SEMA3C: variants seen among roughly 807,000 people sequenced by gnomAD.
SEMA3C encodes semaphorin 3C, also known as semaphorin-3C.
Under a neutral mutation model 89.4 loss-of-function variants are expected in SEMA3C, and 47 were observed. The ratio of observed to expected loss-of-function variants is 0.53; its 90% confidence interval spans 0.42 to 0.67. The LOEUF (loss-of-function observed/expected upper bound fraction) is 0.67. Among genes scored for constraint, SEMA3C ranks in the 30% least tolerant of loss-of-function variants. The pLI is 0.00. For missense variants in SEMA3C, 839 were observed against 929.1 expected, an observed-to-expected ratio of 0.90 and a Z score of 1.26; for synonymous variants, 310 against 320.2, an observed-to-expected ratio of 0.97 and a Z score of 0.34.
intron 2 of SEMA3C, among the ~76,000 whole-genome samples, chr7:80,912,906 T>TA (rs1792185410): frequency 1.3e-5 from 2 of 152,218 alleles, no homozygotes; most frequent in Admixed American, 1.3e-4. Context: ...TTTCAGTTTA[T>TA]TGTCCAATAA....
chr7:80,853,624 T>C (rs1314668017), intron 2 of SEMA3C, among the ~76,000 whole-genome samples: 2 of 151,568 alleles, frequency 1.3e-5, no homozygotes, highest in Non-Finnish European at 2.9e-5. Context: ...GCTGGGAGGG[T>C]AGTGGCAGGA....
rs2116188609 is a variant in SEMA3C, at chr7:80,899,308, T to A, written c.103+17371A>T. Among the ~76,000 whole-genome samples the A allele has an allele frequency of 1.3e-5, 2 of 152,338 alleles. 1 individual carries two copies. On this transcript the variant is annotated intron_variant, in intron 2 of 17. Transcript: ENST00000265361. ...CGCCCATCTTGGCCTCCGAAAGTGC[T>A]GGGATTACAGGTGTGAGCCACTGTG...
chr7:80,751,267 A>T lies in SEMA3C; in HGVS notation c.1711+2T>A. 6.2e-7 allele frequency: 1 copy of T among 1,613,346 alleles called. No individual in the cohort carries two copies. On this transcript the variant is annotated splice_donor_variant, in intron 16 of 17. Transcript: ENST00000265361. LOFTEE classifies it high-confidence loss of function. ...AGATTGGCCATTGCTCACTTTTAATACCTTTTAGATTAAATCCTCTGCATT... is the reference window on the plus strand; with the variant it reads ...AGATTGGCCATTGCTCACTTTTAATTCCTTTTAGATTAAATCCTCTGCATT...
At chr7:80,846,215 C>T (rs1790385400) in intron 2 of SEMA3C, among the ~76,000 whole-genome samples, 1 of 152,032 alleles carries the variant, frequency 6.6e-6, no homozygotes, top group African/African-American at 2.4e-5. Context: ...CAGCCTGATG[C>T]CTGGTATTTT....
rs543023618 is a variant in SEMA3C, at chr7:80,909,130, T to C, written c.103+7549A>G. Among the ~76,000 whole-genome samples, 5 of 152,224 alleles carry C rather than the reference T, an allele frequency of 3.3e-5. No homozygotes were observed. In the East Asian group the frequency reaches 5.8e-4, roughly 18 times the overall value. On this transcript the variant is annotated intron_variant, in intron 2 of 17. Transcript: ENST00000265361. ...TTCTGCATTTATTTTTACTCAGATA[T>C]ATATCCTCTCTCCATAATTAATTCT...
intron 6 of SEMA3C, 26 bp downstream of exon 6, chr7:80,810,585 T>G (rs1171474787): frequency 6.3e-6 from 10 of 1,578,008 alleles, no homozygotes; most frequent in East Asian, 4.5e-5. Flanking sequence ...TTATGTTTAA[T>G]CCTCCCTCTT....
At chr7:80,846,540 C>T (rs550094195) in intron 2 of SEMA3C, among the ~76,000 whole-genome samples, 5 of 151,962 alleles carry the variant, frequency 3.3e-5, no homozygotes, top group Non-Finnish European at 7.4e-5. Flanking sequence ...TTTATTTGCT[C>T]AGCTGGTCTA....
chr7:80,913,943 A>T (rs1346499434), intron 2 of SEMA3C, among the ~76,000 whole-genome samples: 2 of 152,202 alleles, frequency 1.3e-5, no homozygotes, highest in East Asian at 3.9e-4. Flanking sequence ...GAAGTAACAC[A>T]AGACTGAGTG....
At chr7:80,867,573 G>A (rs1790957131) in intron 2 of SEMA3C, among the ~76,000 whole-genome samples, 1 of 152,162 alleles carries the variant, frequency 6.6e-6, no homozygotes. Context: ...TGTCCTAGAT[G>A]CTCAGTGAAA....
In SEMA3C at chr7:80,874,420, A is replaced by T. The variant is rs76701389; in HGVS notation, c.103+42259T>A. Among the ~76,000 whole-genome samples, 1,806 of 151,910 alleles carry T rather than the reference A, an allele frequency of 0.012. 94 individuals carry two copies. In the East Asian group the frequency reaches 0.16, roughly 14 times the overall value. ...CAAGGGTACGACCTTTTCTATGTTC[A>T]ATGCATTATTTAAAAGACCATAGCA... On this transcript the variant is annotated intron_variant, in intron 2 of 17. Coordinates refer to ENST00000265361, the MANE Select transcript of SEMA3C (RefSeq NM_006379.5).
intron 17 of SEMA3C, 137 bp from the exon 18 acceptor site, chr7:80,745,444 G>T: frequency 1.2e-6 from 1 of 824,340 alleles, no homozygotes; most frequent in South Asian, 1.8e-5. Context: ...CCTTCTCAGT[G>T]GACATGAAAT....
chr7:80,792,074 C>T (rs1484803147), intron 11 of SEMA3C, among the ~76,000 whole-genome samples: 1 of 152,154 alleles, frequency 6.6e-6, no homozygotes, highest in East Asian at 1.9e-4. Flanking sequence ...CGAAACCTCT[C>T]ATTCTTTATT....
chr7:80,826,453 ATC>A (rs1400035801), intron 4 of SEMA3C, among the ~76,000 whole-genome samples: 3 of 152,152 alleles, frequency 2.0e-5, no homozygotes, highest in Non-Finnish European at 4.4e-5. Context: ...TAGTTTGTAT[ATC>A]TATGCTCATT....
At chr7:80,765,603 G>A (rs1420540799) in intron 12 of SEMA3C, among the ~76,000 whole-genome samples, 3 of 150,680 alleles carry the variant, frequency 2.0e-5, no homozygotes, top group Non-Finnish European at 4.4e-5. Context: ...TTGAGACAGT[G>A]TCTTGCTCTC....
chr7:80,809,335 T>G (rs1239220199), intron 6 of SEMA3C, among the ~76,000 whole-genome samples: 1 of 152,120 alleles, frequency 6.6e-6, no homozygotes, highest in Non-Finnish European at 1.5e-5. Flanking sequence ...TGTTCATCTT[T>G]CCTTTGAAAA....
intron 2 of SEMA3C, among the ~76,000 whole-genome samples, chr7:80,897,115 T>C (rs1474616016): frequency 6.6e-6 from 1 of 152,136 alleles, no homozygotes; most frequent in East Asian, 1.9e-4. Flanking sequence ...GCAATTCTAC[T>C]CAATTCTTCT....
upstream of SEMA3C, chr7:80,922,198 A>C: frequency 8.2e-7 from 1 of 1,225,426 alleles, no homozygotes; most frequent in Non-Finnish European, 1.1e-6. Context: ...CAGAATAGGA[A>C]GAGAAACTCA....
At chr7:80,822,586 G>A (rs1416642586) in intron 4 of SEMA3C, among the ~76,000 whole-genome samples, 1 of 152,092 alleles carries the variant, frequency 6.6e-6, no homozygotes, top group African/African-American at 2.4e-5. Context: ...ATATTGCAGA[G>A]AAGACAGAGT....
At chr7:80,812,961 A>ATTT (rs1215661147) in intron 5 of SEMA3C, among the ~76,000 whole-genome samples, 3 of 92,496 alleles carry the variant, frequency 3.2e-5, no homozygotes, top group Admixed American at 1.2e-4. Context: ...TATTTTTTGT[A>ATTT]TTTTTTTTTT....
Sources: allele counts gnomAD v4.1 joint callset (sites outside exome capture counted in the v4.1 genomes callset), GRCh38; gene constraint gnomAD v4.1.1; transcripts MANE v1.5; gene names NCBI Gene and HGNC (gene_info 2026-07-23, HGNC 2026-07-21).